Variants in CDX1 observed in about 807,000 individuals in gnomAD.
CDX1 encodes the protein homeobox protein CDX-1.
Under a neutral mutation model 16.9 loss-of-function variants are expected in CDX1, and 9 were observed. The ratio of observed to expected loss-of-function variants is 0.53; its 90% CI spans 0.32 to 0.93. The LOEUF is 0.93. CDX1 is among the 40% of genes least tolerant of loss of function. The pLI is 0.04. For synonymous variants in CDX1, 179 were observed against 179.0 expected (o/e 1.00, Z 0.00); for missense variants, 393 against 386.1 (o/e 1.02, Z -0.15).
rs146570919 is a variant in CDX1, at chr5:150,176,904, G to A, written c.446-5864G>A. Among the ~76,000 whole-genome samples the A allele has an allele frequency of 4.5e-3, 684 of 152,354 alleles. 17 individuals are homozygous for A. The highest frequency in any genetic ancestry group is 0.041 in the South Asian group (200 of 4,828). On this transcript the variant is annotated intron_variant, in intron 1 of 2. Coordinates refer to ENST00000231656, the MANE Select transcript of CDX1 (RefSeq NM_001804.3). ...CATGCCTGTTTGCATGTGTGTGTTG[G>A]GGTTAGGATCTTGAAGCACAGCCAG...
intron 2 of CDX1, among the ~76,000 whole-genome samples, 185 bp downstream of exon 2, chr5:150,183,098 G>A (rs1752486955): frequency 6.6e-6 from 1 of 152,206 alleles, no homozygotes; most frequent in Non-Finnish European, 1.5e-5. Flanking sequence ...CAGTATCCTT[G>A]CCCCCAAAGG....
intron 1 of CDX1, among the ~76,000 whole-genome samples, chr5:150,172,037 G>C (rs761731441): frequency 1.3e-5 from 2 of 152,188 alleles, no homozygotes; most frequent in Non-Finnish European, 2.9e-5. Context: ...TCTCTAGTCT[G>C]GTCCCTCGGC....
At chr5:150,174,067 T>C (rs542069487) in intron 1 of CDX1, among the ~76,000 whole-genome samples, 2 of 152,300 alleles carry the variant, frequency 1.3e-5, no homozygotes, top group South Asian at 4.1e-4. Flanking sequence ...GGCCCTACCC[T>C]CAAAGAGCAT....
Position 150,167,894 on chromosome 5 carries a change from C to G in CDX1, c.445+573C>G, listed in dbSNP as rs138755156. On this transcript the variant is annotated intron_variant, in intron 1 of 2. Coordinates refer to ENST00000231656, the MANE Select transcript of CDX1 (RefSeq NM_001804.3). ...CTGTACCTTACCTTCTCAGGGTCCT[C>G]CCTGAACTCTTGACCCCGGGGGAGG... 4.5e-3 allele frequency among the ~76,000 whole-genome samples: 684 copies of G among 152,306 alleles called. 17 individuals carry two copies. The highest frequency in any genetic ancestry group is 0.041 in the South Asian group (199 of 4,820).
At chr5:150,174,184 G>A (rs2282812) in intron 1 of CDX1, among the ~76,000 whole-genome samples, 57,697 of 152,036 alleles carry the variant, frequency 0.38, 11,166 homozygotes, top group East Asian at 0.55. Context: ...CACCTCGAAC[G>A]TGAGACTTCG....
At chr5:150,179,657 G>A (rs777014659) in intron 1 of CDX1, among the ~76,000 whole-genome samples, 4 of 152,210 alleles carry the variant, frequency 2.6e-5, no homozygotes, top group African/African-American at 4.8e-5. Flanking sequence ...ATCCCTAGGC[G>A]AAGGTCTGGG....
At chr5:150,175,298 AGAGCCACCG>A (rs1761555100) in intron 1 of CDX1, among the ~76,000 whole-genome samples, 1 of 152,150 alleles carries the variant, frequency 6.6e-6, no homozygotes, top group Non-Finnish European at 1.5e-5. Flanking sequence ...AGACTGGGGG[AGAGCCACCG>A]GTCTCTGTCT....
intron 1 of CDX1, among the ~76,000 whole-genome samples, chr5:150,180,711 C>T (rs867685673): frequency 2.2e-4 from 33 of 152,066 alleles, no homozygotes; most frequent in African/African-American, 7.0e-4. Flanking sequence ...TGCTTGCGTG[C>T]GCCTCCTATT....
At position 150,183,722 on chromosome 5, in the gene CDX1, G is replaced by A. The variant is rs539226569; in HGVS notation, c.*42G>A. 2.8e-5 allele frequency: 41 copies of A among 1,443,544 alleles called. No individual in the cohort carries two copies. The highest frequency in any genetic ancestry group is 3.7e-5 in the Non-Finnish European group (40 of 1,085,094). 89.4% of individuals were successfully genotyped at this position (1,443,544 alleles called of 1,614,324 possible). On this transcript the variant is annotated 3_prime_UTR_variant, in exon 3 of 3. Transcript: ENST00000231656. ...TGCGCCGGGGGACCTGGGGACTCGG[G>A]TGCTGGGAGTGTGGCTCCTGTGGGC...
chr5:150,169,893 T>A (rs1761481584), intron 1 of CDX1, among the ~76,000 whole-genome samples: 1 of 152,232 alleles, frequency 6.6e-6, no homozygotes, highest in African/African-American at 2.4e-5. Flanking sequence ...CTGTGAAGAA[T>A]GTTCCAGTTT....
In CDX1 at chr5:150,166,866, C is replaced by A; in HGVS notation, c.-11C>A. ...CAGGGCCCAGCATGCGCGGGGGACC[C>A]CGCGGCCACCATGTATGTGGGCTAT... is the stretch of plus-strand genomic sequence containing the variant. On this transcript the variant is annotated 5_prime_UTR_variant, in exon 1 of 3. Transcript: ENST00000231656. 6.8e-7 allele frequency: 1 copy of A among 1,473,240 alleles called. No individual in the cohort carries two copies. The highest frequency in any genetic ancestry group is 2.9e-5 in the East Asian group (1 of 34,458). 91.3% of individuals were successfully genotyped at this position (1,473,240 alleles called of 1,614,324 possible).
At chr5:150,174,732 T>C (rs1562055375) in intron 1 of CDX1, among the ~76,000 whole-genome samples, 3 of 152,120 alleles carry the variant, frequency 2.0e-5, no homozygotes, top group African/African-American at 7.2e-5. Context: ...TGGAAATCCA[T>C]TCTGCATAAG....
intron 1 of CDX1, among the ~76,000 whole-genome samples, chr5:150,169,873 G>A (rs1341452326): frequency 1.3e-5 from 2 of 150,906 alleles, no homozygotes; most frequent in African/African-American, 5.0e-5. Context: ...AGGGAACCAA[G>A]GTACAGAGAC....
intron 1 of CDX1, among the ~76,000 whole-genome samples, chr5:150,180,992 C>T (rs886190765): frequency 6.6e-6 from 1 of 152,166 alleles, no homozygotes; most frequent in Non-Finnish European, 1.5e-5. Flanking sequence ...GTTCTCCATG[C>T]AGTAGCCAGA....
Position 150,183,699 on chromosome 5 carries a change from C to A in CDX1, c.*19C>A. ...GCCATAGCCCCATGCCCAGCCTGTG[C>A]GCCGGGGGACCTGGGGACTCGGGTG... is the stretch of plus-strand genomic sequence containing the variant. On this transcript the variant is annotated 3_prime_UTR_variant, in exon 3 of 3. Transcript: ENST00000231656. 1 of 1,514,024 alleles carries A rather than the reference C, an allele frequency of 6.6e-7. No homozygotes were observed. 93.8% of individuals were successfully genotyped at this position (1,514,024 alleles called of 1,614,324 possible).
intron 1 of CDX1, among the ~76,000 whole-genome samples, chr5:150,175,716 G>A (rs1404411537): frequency 6.6e-6 from 1 of 152,164 alleles, no homozygotes; most frequent in Non-Finnish European, 1.5e-5. Flanking sequence ...GGGCACAGTG[G>A]AGAGCCCTCC....
chr5:150,176,650 G>A (rs1172078754), intron 1 of CDX1, among the ~76,000 whole-genome samples: 1 of 152,188 alleles, frequency 6.6e-6, no homozygotes, highest in Non-Finnish European at 1.5e-5. Context: ...GCAGAGTCTC[G>A]AGGGCACTTG....
chr5:150,178,028 G>A (rs1427466499), intron 1 of CDX1, among the ~76,000 whole-genome samples: 1 of 152,192 alleles, frequency 6.6e-6, no homozygotes, highest in Non-Finnish European at 1.5e-5. Context: ...ACACGTTAGG[G>A]TCACCTGGAA....
At chr5:150,170,709 C>A (rs563590870) in intron 1 of CDX1, among the ~76,000 whole-genome samples, 3 of 152,254 alleles carry the variant, frequency 2.0e-5, no homozygotes, top group Non-Finnish European at 2.9e-5. Context: ...ACTTCAGTTT[C>A]TTCTAAGGAG....
Sources: gnomAD v4.1 joint callset for allele counts (sites outside exome capture counted in the v4.1 genomes callset) on GRCh38, gnomAD v4.1.1 for gene constraint, MANE v1.5 for transcripts, NCBI Gene and HGNC (gene_info 2026-07-23, HGNC 2026-07-21) for gene names.